The following SUCLG1 variants were observed in gnomAD, a reference collection of about 807,000 sequenced individuals.
SUCLG1 encodes the protein succinate-CoA ligase GDP/ADP-forming subunit alpha.
Under a neutral mutation model 37.3 loss-of-function variants are expected in SUCLG1, and 26 were observed. The observed-to-expected ratio is 0.70, with a 90% CI of 0.51 to 0.97. The LOEUF (loss-of-function observed/expected upper bound fraction) is 0.97. SUCLG1 is among the 50% of genes least tolerant of loss of function. The pLI is 0.00. For missense variants in SUCLG1, 433 were observed against 432.9 expected (o/e 1.00, Z 0.00); for synonymous variants, 163 against 155.6 (o/e 1.05, Z -0.36).
intron 2 of SUCLG1, among the ~76,000 whole-genome samples, chr2:84,446,828 G>A (rs1435024818): frequency 1.3e-5 from 2 of 152,114 alleles, no homozygotes; most frequent in Admixed American, 1.3e-4. Flanking sequence ...TAAAAATATT[G>A]ATCTACATTA....
At chr2:84,434,633 C>G (rs1345148828) in intron 5 of SUCLG1, among the ~76,000 whole-genome samples, 3 of 152,184 alleles carry the variant, frequency 2.0e-5, no homozygotes, top group Non-Finnish European at 1.5e-5. Flanking sequence ...TTTCCTTAAA[C>G]TCCTGCCTTG....
chr2:84,435,860 C>T (rs1054954036), intron 5 of SUCLG1, among the ~76,000 whole-genome samples: 2 of 152,216 alleles, frequency 1.3e-5, no homozygotes, highest in African/African-American at 4.8e-5. Flanking sequence ...TCAGGGTGTG[C>T]TGTCTCTTTA....
chr2:84,454,623 A>C (rs113753778), intron 1 of SUCLG1, among the ~76,000 whole-genome samples: 4,011 of 152,226 alleles, frequency 0.026, 164 homozygotes, highest in African/African-American at 0.082. Flanking sequence ...ACATTGCACA[A>C]AAAAAAACAA....
chr2:84,425,738 C>T (rs1672528222), intron 7 of SUCLG1, 135 bp from the exon 8 acceptor site: 2 of 950,814 alleles, frequency 2.1e-6, no homozygotes, highest in Non-Finnish European at 3.3e-6. Flanking sequence ...GGAAAACCAA[C>T]ACAAATATTA....
chr2:84,434,443 G>C (rs185932664), intron 5 of SUCLG1, among the ~76,000 whole-genome samples: 93 of 152,268 alleles, frequency 6.1e-4, no homozygotes, highest in African/African-American at 2.1e-3. Flanking sequence ...TTCACATCTG[G>C]ATTAGGTGTG....
chr2:84,444,789 G>A (rs922380810), intron 2 of SUCLG1, among the ~76,000 whole-genome samples: 1 of 152,160 alleles, frequency 6.6e-6, no homozygotes, highest in Non-Finnish European at 1.5e-5. Context: ...CCTCAGGGAT[G>A]CATTCTCTTT....
At position 84,428,996 on chromosome 2, in the gene SUCLG1, C is replaced by A. The variant is rs143947317; in HGVS notation, c.825+2512G>T. On this transcript the variant is annotated intron_variant, in intron 7 of 8. Coordinates refer to ENST00000393868, the MANE Select transcript of SUCLG1 (RefSeq NM_003849.4). ...ATTCATAAAGAAAGAACAAAAACAA[C>A]TTACCAAAGCATCAGGATAAAAGTT... Among the ~76,000 whole-genome samples the A allele has an allele frequency of 3.3e-5, 5 of 152,294 alleles. No homozygotes were observed. In the East Asian group the frequency reaches 9.7e-4, roughly 29 times the overall value.
chr2:84,446,080 G>T (rs942650401), intron 2 of SUCLG1, among the ~76,000 whole-genome samples: 1 of 152,148 alleles, frequency 6.6e-6, no homozygotes, highest in African/African-American at 2.4e-5. Flanking sequence ...TATCCACTTG[G>T]TTCACTCCTA....
intron 5 of SUCLG1, among the ~76,000 whole-genome samples, chr2:84,440,772 A>T (rs1672756088): frequency 6.6e-6 from 1 of 152,166 alleles, no homozygotes; most frequent in African/African-American, 2.4e-5. Flanking sequence ...ATATATGCAA[A>T]CACATGGAGT....
At chr2:84,453,020 T>G (rs1195111177) in intron 1 of SUCLG1, among the ~76,000 whole-genome samples, 2 of 152,240 alleles carry the variant, frequency 1.3e-5, no homozygotes, top group African/African-American at 4.8e-5. Context: ...AAAATTCATA[T>G]AGAGACTGCA....
At position 84,433,230 on chromosome 2, in the gene SUCLG1, G is replaced by A. The variant is rs768079054; in HGVS notation, c.673+122C>T. 3.2e-5 allele frequency: 28 copies of A among 869,442 alleles called. 1 individual carries two copies. Among genetic ancestry groups the A allele is most frequent in the Middle Eastern group, 2.3e-4 (1 of 4,410 alleles). 53.9% of individuals were successfully genotyped at this position (869,442 alleles called of 1,614,324 possible). On this transcript the variant is annotated intron_variant, in intron 6 of 8. Transcript: ENST00000393868. The stretch of plus-strand genomic sequence containing the variant: ...ACTTAAGCAAATTAAATTTGAGATC[G>A]TAACATCCTTTTCATAAGAGTATCA...
chr2:84,430,321 G>T (rs1376333415), intron 7 of SUCLG1, among the ~76,000 whole-genome samples: 1 of 152,170 alleles, frequency 6.6e-6, no homozygotes, highest in Non-Finnish European at 1.5e-5. Flanking sequence ...CTACTATATC[G>T]TCATTTTTCC....
At chr2:84,440,473 G>A (rs1315243413) in intron 5 of SUCLG1, among the ~76,000 whole-genome samples, 2 of 152,214 alleles carry the variant, frequency 1.3e-5, no homozygotes, top group East Asian at 1.9e-4. Flanking sequence ...TAGCCACTTT[G>A]CAGAACTATT....
intron 1 of SUCLG1, 118 bp downstream of exon 1, chr2:84,459,055 T>C (rs938077126): frequency 3.0e-5 from 32 of 1,063,836 alleles, no homozygotes; most frequent in Non-Finnish European, 4.1e-5. Flanking sequence ...CCCAAGCGGC[T>C]CCCAGGCCCC....
In SUCLG1 at chr2:84,455,418, C is replaced by T. The variant is rs1446345338; in HGVS notation, c.97+3755G>A. ...CTGAGGCAGGAGAATGGCTTGAGCCCAGGAGGCAGAGGATGCGGTGAGCTG... is the reference window on the plus strand; with the variant it reads ...CTGAGGCAGGAGAATGGCTTGAGCCTAGGAGGCAGAGGATGCGGTGAGCTG... On this transcript the variant is annotated intron_variant, in intron 1 of 8. Transcript: ENST00000393868. Among the ~76,000 whole-genome samples, 3 of 150,564 alleles carry T rather than the reference C, an allele frequency of 2.0e-5. No homozygotes were observed. In the East Asian group the frequency reaches 6.0e-4, roughly 30 times the overall value.
At chr2:84,446,231 A>G (rs6719880) in intron 2 of SUCLG1, among the ~76,000 whole-genome samples, 147,072 of 152,338 alleles carry the variant, frequency 0.97, 71,043 homozygotes, top group East Asian at 1. Context: ...ATTATACTTC[A>G]TAACATACCA....
At chr2:84,443,780 AT>A (rs11324102) in intron 2 of SUCLG1, among the ~76,000 whole-genome samples, 8,074 of 152,144 alleles carry the variant, frequency 0.053, 467 homozygotes, top group African/African-American at 0.14. Flanking sequence ...GTCAAATCCA[AT>A]TTTTCCCCTA....
chr2:84,455,846 A>G (rs1013454045), intron 1 of SUCLG1, among the ~76,000 whole-genome samples: 4 of 151,708 alleles, frequency 2.6e-5, no homozygotes, highest in Non-Finnish European at 5.9e-5. Flanking sequence ...AAAACAAAAA[A>G]AAAAAAAAAA....
At chr2:84,441,187 A>C in intron 4 of SUCLG1, 60 bp downstream of exon 4, 5 of 1,612,944 alleles carry the variant, frequency 3.1e-6, no homozygotes, top group Non-Finnish European at 4.2e-6. Flanking sequence ...GCATTCACTC[A>C]AAGCTGTTTA....
Sources: gnomAD v4.1 joint callset for allele counts (sites outside exome capture counted in the v4.1 genomes callset) on GRCh38, gnomAD v4.1.1 for gene constraint, MANE v1.5 for transcripts, NCBI Gene and HGNC (gene_info 2026-07-23, HGNC 2026-07-21) for gene names.